Variants in ZBTB20 observed in about 807,000 individuals in gnomAD.
ZBTB20 encodes zinc finger and BTB domain containing 20, also known as zinc finger and BTB domain-containing protein 20.
Under a neutral mutation model 56.9 loss-of-function variants are expected in ZBTB20, and 9 were observed. That is an observed-to-expected ratio of 0.16 (90% CI 0.10 to 0.28). The LOEUF (loss-of-function observed/expected upper bound fraction) is 0.28. ZBTB20 is among the 10% of genes least tolerant of loss of function. The pLI is 1.00. For missense variants in ZBTB20, 655 were observed against 1,003.0 expected (o/e 0.65, Z 4.69); for synonymous variants, 417 against 420.7 (o/e 0.99, Z 0.11).
intron 4 of ZBTB20, among the ~76,000 whole-genome samples, chr3:114,879,415 T>G (rs1233775707): frequency 6.6e-6 from 1 of 151,986 alleles, no homozygotes; most frequent in East Asian, 1.9e-4. Context: ...GACACTGCAC[T>G]TTAAAAAAAA....
intron 4 of ZBTB20, among the ~76,000 whole-genome samples, chr3:114,871,205 C>A (rs1312024742): frequency 1.3e-5 from 2 of 152,122 alleles, no homozygotes; most frequent in African/African-American, 4.8e-5. Context: ...TGCCCCATCT[C>A]CCCTTTCTTT....
chr3:115,102,664 T>C (rs1264725834), intron 1 of ZBTB20: 1 of 151,890 alleles, frequency 6.6e-6, no homozygotes, highest in Non-Finnish European at 1.5e-5. Flanking sequence ...GGAAAACAAA[T>C]CTTTTGGCTT....
At chr3:115,011,201 A>G (rs2079690092) in intron 2 of ZBTB20, among the ~76,000 whole-genome samples, 1 of 151,946 alleles carries the variant, frequency 6.6e-6, no homozygotes, top group Non-Finnish European at 1.5e-5. Context: ...GGCCTTAAAG[A>G]GGAGGAAGAG....
At chr3:114,891,390 G>A (rs776877752) in intron 4 of ZBTB20, among the ~76,000 whole-genome samples, 2 of 152,172 alleles carry the variant, frequency 1.3e-5, no homozygotes, top group African/African-American at 4.8e-5. Flanking sequence ...CCTGTATCAT[G>A]TCTCCTCAAG....
chr3:114,997,189 T>C lies in ZBTB20; in HGVS notation c.-506-22773A>G, dbSNP rs546151108. 2.6e-5 allele frequency among the ~76,000 whole-genome samples: 4 copies of C among 151,862 alleles called. No homozygotes were observed. In the South Asian group the frequency reaches 8.3e-4, roughly 31 times the overall value. ...AGAAATCTCCAGTATCACCATGTTT[T>C]TGGTAGAGTATTATGTGGAGAGATA... On this transcript the variant is annotated intron_variant, in intron 2 of 11. Coordinates refer to ENST00000675478, the MANE Select transcript of ZBTB20 (RefSeq NM_001348800.3).
chr3:114,863,173 G>A (rs922778762), intron 4 of ZBTB20, among the ~76,000 whole-genome samples: 1 of 152,180 alleles, frequency 6.6e-6, no homozygotes, highest in East Asian at 1.9e-4. Context: ...ATAGCAAAAA[G>A]TAAGTATACT....
intron 4 of ZBTB20, among the ~76,000 whole-genome samples, chr3:114,824,815 C>A (rs1186885751): frequency 6.6e-6 from 1 of 151,840 alleles, no homozygotes; most frequent in Non-Finnish European, 1.5e-5. Context: ...CTAATAAAAC[C>A]ATAAAAACTA....
At chr3:114,695,726 T>C (rs1213608859) in intron 5 of ZBTB20, among the ~76,000 whole-genome samples, 1 of 152,044 alleles carries the variant, frequency 6.6e-6, no homozygotes, top group Non-Finnish European at 1.5e-5. Context: ...GTTAATCATA[T>C]TAAAATTACA....
chr3:114,936,422 G>A (rs1335133458), intron 3 of ZBTB20, among the ~76,000 whole-genome samples: 1 of 152,116 alleles, frequency 6.6e-6, no homozygotes, highest in Non-Finnish European at 1.5e-5. Flanking sequence ...AGTTTAGCCT[G>A]AGTAAATGAG....
chr3:114,409,225 T>C (rs2087683053), intron 7 of ZBTB20, among the ~76,000 whole-genome samples: 2 of 149,252 alleles, frequency 1.3e-5, no homozygotes, highest in South Asian at 4.2e-4. Flanking sequence ...CTGGTGCTTT[T>C]ACCCCAAGTG....
chr3:114,821,926 T>C (rs1024132185), intron 4 of ZBTB20, among the ~76,000 whole-genome samples: 6 of 152,124 alleles, frequency 3.9e-5, no homozygotes, highest in Non-Finnish European at 5.9e-5. Context: ...TGCTAAAGCA[T>C]TGATAAATTC....
chr3:114,410,465 G>A (rs2087822634), intron 7 of ZBTB20, among the ~76,000 whole-genome samples: 1 of 152,114 alleles, frequency 6.6e-6, no homozygotes, highest in Admixed American at 6.6e-5. Flanking sequence ...GCCTCAGCAC[G>A]GTGGCTGTAG....
intron 1 of ZBTB20, among the ~76,000 whole-genome samples, chr3:115,097,000 TA>T (rs2083403123): frequency 1.3e-5 from 2 of 152,164 alleles, no homozygotes. Context: ...ATGTGCAGAA[TA>T]AAAAGTATCT....
At chr3:114,436,162 GT>G (rs1356801673) in intron 7 of ZBTB20, among the ~76,000 whole-genome samples, 1 of 152,248 alleles carries the variant, frequency 6.6e-6, no homozygotes, top group East Asian at 1.9e-4. Context: ...CTTTTCAATA[GT>G]TGCTAATATT....
intron 2 of ZBTB20, among the ~76,000 whole-genome samples, chr3:114,996,726 T>C (rs1298785860): frequency 2.6e-5 from 4 of 151,954 alleles, no homozygotes; most frequent in African/African-American, 9.7e-5. Flanking sequence ...TATAATCCTT[T>C]GGGTATATAC....
chr3:114,524,139 A>T (rs2046956316), intron 6 of ZBTB20, among the ~76,000 whole-genome samples: 1 of 152,216 alleles, frequency 6.6e-6, no homozygotes, highest in Non-Finnish European at 1.5e-5. Context: ...CTATATAATG[A>T]AGTGAGCATA....
At chr3:114,705,858 C>T (rs2063689980) in intron 5 of ZBTB20, among the ~76,000 whole-genome samples, 1 of 152,158 alleles carries the variant, frequency 6.6e-6, no homozygotes, top group African/African-American at 2.4e-5. Context: ...AGCCAAAGAA[C>T]AGAAATTATA....
intron 7 of ZBTB20, among the ~76,000 whole-genome samples, chr3:114,463,922 A>C (rs567542531): frequency 1.3e-5 from 2 of 152,328 alleles, no homozygotes; most frequent in East Asian, 3.9e-4. Context: ...AATTAACTAC[A>C]TGGTATAATT....
rs2086051504 is a variant in ZBTB20, at chr3:114,393,336, T to A, written c.-254-4231A>T. Among the ~76,000 whole-genome samples the A allele has an allele frequency of 2.0e-5, 3 of 152,226 alleles. 1 individual carries two copies. The South Asian group carries it at 6.2e-4, about 31-fold the overall frequency. ...AAAAATTATCTGGCAAATTTACAAA[T>A]CCTTTGTGTAATTATATAAATGTAC... On this transcript the variant is annotated intron_variant, in intron 7 of 11. Transcript: ENST00000675478.
Sources: gnomAD v4.1 joint callset for allele counts (sites outside exome capture counted in the v4.1 genomes callset) on GRCh38, gnomAD v4.1.1 for gene constraint, MANE v1.5 for transcripts, NCBI Gene and HGNC (gene_info 2026-07-23, HGNC 2026-07-21) for gene names.